KCNMA1: variants seen among roughly 807,000 people sequenced by gnomAD.
KCNMA1 encodes the protein potassium calcium-activated channel subfamily M alpha 1.
KCNMA1 carries 29 observed loss-of-function variants against 140.0 expected under a neutral mutation model. The ratio of observed to expected loss-of-function variants is 0.21; its 90% CI spans 0.15 to 0.28. KCNMA1 has a LOEUF of 0.28. Ranked by LOEUF, KCNMA1 falls within the 10% of genes least tolerant of loss-of-function variation. KCNMA1 has a pLI of 1.00. For missense variants in KCNMA1, 880 were observed against 1,602.2 expected (o/e 0.55, Z 7.70); for synonymous variants, 612 against 611.9 (o/e 1.00, Z 0.00).
intron 2 of KCNMA1, among the ~76,000 whole-genome samples, chr10:77,370,728 CT>C (rs2094640196): frequency 6.6e-6 from 1 of 152,154 alleles, no homozygotes; most frequent in Non-Finnish European, 1.5e-5. Context: ...TGTGGAGAGA[CT>C]CAGCATAGGC....
In KCNMA1 at chr10:76,891,602, G is replaced by T. The variant is rs761366908; in HGVS notation, c.3265C>A (p.Pro1089Thr). Residue 1089 changes from proline to threonine, a missense_variant, in exon 26 of 28, where the codon CCG becomes ACG. Physicochemically the swap from Pro to Thr is conservative, Grantham distance 38. Around this residue, in one of 13 missense-constraint regions of KCNMA1, gnomAD observed 31 missense variants for 38.8 expected, o/e 0.80. Transcript: ENST00000286628. ...CGGTCCCTATTGGCCAGTGTCTGCG[G>T]GGTGCTGTAGCCACCTCTAAGGGCG... ...ENALRGGYST[P>T]QTLANRDRCR... 2 of 1,613,884 alleles carry T rather than the reference G, an allele frequency of 1.2e-6. No homozygotes were observed. The highest frequency in any genetic ancestry group is 1.7e-6 in the Non-Finnish European group (2 of 1,180,018).
intron 20 of KCNMA1, among the ~76,000 whole-genome samples, chr10:76,969,028 A>G (rs2075062907): frequency 6.6e-6 from 1 of 152,192 alleles, no homozygotes; most frequent in Non-Finnish European, 1.5e-5. Context: ...ACATAGGGTG[A>G]GCAGTGCAAA....
intron 1 of KCNMA1, among the ~76,000 whole-genome samples, chr10:77,532,783 T>C (rs2057981780): frequency 8.6e-5 from 9 of 104,282 alleles, no homozygotes; most frequent in Admixed American, 7.8e-4. Flanking sequence ...GTAACCCTGA[T>C]AGTCAATAGC....
chr10:76,876,414 A>ACT (rs1397048451), downstream of KCNMA1: 4 of 152,606 alleles, frequency 2.6e-5, no homozygotes, highest in Non-Finnish European at 4.4e-5. Flanking sequence ...TTGCCGGGAG[A>ACT]CTGTACACCG....
intron 14 of KCNMA1, chr10:77,071,646 C>T (rs1180208259): frequency 6.6e-6 from 1 of 152,172 alleles, no homozygotes; most frequent in East Asian, 1.9e-4. Context: ...AAGAAGATAC[C>T]TAAAGGAATG....
At chr10:77,053,965 C>T (rs930590344) in intron 14 of KCNMA1, among the ~76,000 whole-genome samples, 1 of 152,120 alleles carries the variant, frequency 6.6e-6, no homozygotes, top group Non-Finnish European at 1.5e-5. Flanking sequence ...GTCTTATAAT[C>T]CTTGCCCTGT....
chr10:77,587,060 T>A (rs1410639127), intron 1 of KCNMA1: 1 of 152,254 alleles, frequency 6.6e-6, no homozygotes, highest in Non-Finnish European at 1.5e-5. Flanking sequence ...TCTGCGGCCA[T>A]ACCACCCTGG....
intron 2 of KCNMA1, among the ~76,000 whole-genome samples, chr10:77,401,284 G>A (rs1370612139): frequency 6.6e-6 from 1 of 152,032 alleles, no homozygotes; most frequent in Non-Finnish European, 1.5e-5. Flanking sequence ...AGCCTCTCGA[G>A]TAGCTGGGAC....
intron 2 of KCNMA1, among the ~76,000 whole-genome samples, chr10:77,400,137 G>A (rs2096213937): frequency 6.6e-6 from 1 of 152,238 alleles, no homozygotes; most frequent in Non-Finnish European, 1.5e-5. Context: ...ACACAGCTTT[G>A]GGTTCTGAAC....
chr10:77,616,250 G>A (rs923303293), intron 1 of KCNMA1, among the ~76,000 whole-genome samples: 6 of 152,186 alleles, frequency 3.9e-5, no homozygotes, highest in African/African-American at 7.2e-5. Flanking sequence ...TTCCACAGAC[G>A]TGCAATCCAA....
intron 19 of KCNMA1, among the ~76,000 whole-genome samples, chr10:76,993,172 G>A (rs1303374144): frequency 3.3e-5 from 5 of 152,332 alleles, no homozygotes; most frequent in Admixed American, 1.3e-4. Context: ...ACCAGCAGGT[G>A]AGAGCTGCCT....
chr10:77,583,266 AC>A (rs1224986391), intron 1 of KCNMA1, among the ~76,000 whole-genome samples: 3 of 152,206 alleles, frequency 2.0e-5, no homozygotes, highest in Non-Finnish European at 4.4e-5. Flanking sequence ...AACTAGTCCC[AC>A]TATGAAGCCC....
chr10:77,620,067 A>G (rs2090911863), intron 1 of KCNMA1, among the ~76,000 whole-genome samples: 1 of 152,224 alleles, frequency 6.6e-6, no homozygotes, highest in African/African-American at 2.4e-5. Context: ...CAGCAGCTCA[A>G]GAGCAAGGGT....
intron 20 of KCNMA1, among the ~76,000 whole-genome samples, chr10:76,966,837 G>A (rs1464376472): frequency 1.3e-5 from 2 of 152,144 alleles, no homozygotes; most frequent in Non-Finnish European, 2.9e-5. Flanking sequence ...TCCTCAGCCT[G>A]GGGCCCAGAC....
At chr10:77,121,088 G>A (rs377579967) in intron 5 of KCNMA1, 40 bp from the exon 6 acceptor site, 1 of 1,242,030 alleles carries the variant, frequency 8.1e-7, no homozygotes. Flanking sequence ...TATTTTCAAT[G>A]TGTGATTTTA....
intron 2 of KCNMA1, among the ~76,000 whole-genome samples, chr10:77,260,665 T>C (rs543284933): frequency 4.9e-4 from 74 of 152,126 alleles, no homozygotes; most frequent in Non-Finnish European, 8.4e-4. Context: ...GCTGAGATCA[T>C]ACCACTGTAC....
At chr10:76,942,398 T>A (rs2062752251) in intron 23 of KCNMA1, among the ~76,000 whole-genome samples, 1 of 152,196 alleles carries the variant, frequency 6.6e-6, no homozygotes. Flanking sequence ...AGGGAGTAGG[T>A]GGAGGGTACA....
intron 23 of KCNMA1, among the ~76,000 whole-genome samples, chr10:76,934,872 T>C (rs2060155957): frequency 6.6e-6 from 1 of 152,216 alleles, no homozygotes; most frequent in African/African-American, 2.4e-5. Context: ...TCATCTGCTG[T>C]CACGGAAACT....
intron 3 of KCNMA1, among the ~76,000 whole-genome samples, chr10:77,201,488 TGC>T (rs1275742749): frequency 1.3e-5 from 2 of 152,176 alleles, no homozygotes. Flanking sequence ...GCCACCTTGC[TGC>T]ACAGCAGACA....
Sources: allele counts gnomAD v4.1 joint callset (sites outside exome capture counted in the v4.1 genomes callset), GRCh38; gene constraint gnomAD v4.1.1; regional missense constraint gnomAD v4.1.1; transcripts MANE v1.5; gene names NCBI Gene and HGNC (gene_info 2026-07-23, HGNC 2026-07-21).